Variants in SCHIP1 observed in about 807,000 individuals in gnomAD.
SCHIP1 encodes the protein schwannomin-interacting protein 1.
A neutral mutation model predicts 29.7 loss-of-function variants in SCHIP1; 8 were observed. That is an observed-to-expected ratio of 0.27 (90% confidence interval 0.16 to 0.49). SCHIP1 has a LOEUF of 0.49. Ranked by LOEUF, SCHIP1 falls within the 20% of genes least tolerant of loss-of-function variation. The probability of loss-of-function intolerance (pLI) is 0.99; values close to 1 mark genes in which losing one functional copy is unlikely to be tolerated. For missense variants in SCHIP1, 193 were observed against 294.6 expected, an observed-to-expected ratio of 0.66 and a Z score of 2.52; for synonymous variants, 76 against 94.9, an observed-to-expected ratio of 0.80 and a Z score of 1.16.
the SCHIP1 span, among the ~76,000 whole-genome samples, chr3:159,666,338 CT>C: frequency 6.6e-6 from 1 of 152,214 alleles, no homozygotes; most frequent in Admixed American, 6.5e-5. Context: ...TGTACATTCA[CT>C]TTTTCCAAGA....
At chr3:159,759,598 A>T in the SCHIP1 span, among the ~76,000 whole-genome samples, 1 of 152,196 alleles carries the variant, frequency 6.6e-6, no homozygotes, top group Non-Finnish European at 1.5e-5. Flanking sequence ...AGTTGGTTAG[A>T]GATAGGGCCA....
chr3:159,316,379 C>T, the SCHIP1 span, among the ~76,000 whole-genome samples: 1 of 152,168 alleles, frequency 6.6e-6, no homozygotes, highest in Admixed American at 6.5e-5. Flanking sequence ...GGAGGCTAGG[C>T]CCATCTCTCT....
chr3:159,403,137 G>T, the SCHIP1 span, among the ~76,000 whole-genome samples: 1 of 152,008 alleles, frequency 6.6e-6, no homozygotes, highest in Non-Finnish European at 1.5e-5. Flanking sequence ...TTCCTTTAAT[G>T]GGCAAATAAA....
the SCHIP1 span, among the ~76,000 whole-genome samples, chr3:159,414,978 T>C: frequency 6.6e-6 from 1 of 152,196 alleles, no homozygotes; most frequent in East Asian, 1.9e-4. Flanking sequence ...CACCAATCAG[T>C]ACTGTTCTGC....
the SCHIP1 span, among the ~76,000 whole-genome samples, chr3:159,730,866 G>A: frequency 2.0e-5 from 3 of 152,052 alleles, no homozygotes; most frequent in Non-Finnish European, 4.4e-5. Context: ...AAACTATCTA[G>A]ACATCATACA....
chr3:159,801,821 A>C, the SCHIP1 span, among the ~76,000 whole-genome samples: 2 of 152,152 alleles, frequency 1.3e-5, no homozygotes, highest in Admixed American at 1.3e-4. Context: ...AAACATCTGC[A>C]CGAGGTAGGA....
At chr3:159,344,739 A>ATTCT in the SCHIP1 span, among the ~76,000 whole-genome samples, 1 of 152,232 alleles carries the variant, frequency 6.6e-6, no homozygotes, top group Non-Finnish European at 1.5e-5. Context: ...CTGGAATAGA[A>ATTCT]AAAGTTCATT....
chr3:159,765,243 C>A, the SCHIP1 span: 2 of 1,320,142 alleles, frequency 1.5e-6, no homozygotes, highest in African/African-American at 1.5e-5. Flanking sequence ...CGGCCCCATT[C>A]ATTCTTCCTC....
the SCHIP1 span, among the ~76,000 whole-genome samples, chr3:159,654,364 C>T: frequency 2.4e-4 from 36 of 152,262 alleles, no homozygotes; most frequent in African/African-American, 8.7e-4. Flanking sequence ...CCGTTTGACT[C>T]TGCAGACCCA....
the SCHIP1 span, among the ~76,000 whole-genome samples, chr3:159,321,722 T>C: frequency 2.0e-5 from 3 of 152,108 alleles, no homozygotes; most frequent in South Asian, 6.2e-4. Flanking sequence ...TGGCTTTTAG[T>C]TTTCTTTTTA....
At chr3:159,614,117 T>G in the SCHIP1 span, among the ~76,000 whole-genome samples, 1 of 152,194 alleles carries the variant, frequency 6.6e-6, no homozygotes. Flanking sequence ...ACCTAGGAAA[T>G]GTCAGATCTA....
the SCHIP1 span, among the ~76,000 whole-genome samples, chr3:159,489,075 A>T: frequency 2.0e-5 from 3 of 152,258 alleles, no homozygotes; most frequent in Non-Finnish European, 4.4e-5. Flanking sequence ...AATGCAAGCC[A>T]TAGCACTGAT....
At chr3:159,720,790 G>A in the SCHIP1 span, among the ~76,000 whole-genome samples, 1 of 152,030 alleles carries the variant, frequency 6.6e-6, no homozygotes, top group Non-Finnish European at 1.5e-5. Context: ...TTGCCATGTG[G>A]GCCAGACTGG....
At chr3:159,615,537 C>T in the SCHIP1 span, among the ~76,000 whole-genome samples, 608 of 152,272 alleles carry the variant, frequency 4.0e-3, 8 homozygotes, top group African/African-American at 0.014. Flanking sequence ...TAGAAAAAGG[C>T]ACCTCCCTCC....
the SCHIP1 span, among the ~76,000 whole-genome samples, chr3:159,323,999 A>G: frequency 6.6e-6 from 1 of 152,118 alleles, no homozygotes; most frequent in African/African-American, 2.4e-5. Context: ...GGTGATTGCT[A>G]CAGAGTTAGT....
At chr3:159,892,213 C>T (rs1302218508) in intron 6 of SCHIP1, 23 bp downstream of exon 7, 1 of 1,613,654 alleles carries the variant, frequency 6.2e-7, no homozygotes, top group South Asian at 1.1e-5. Context: ...TCACTCTTGC[C>T]AAAGAAGAAA....
chr3:159,550,782 C>A, the SCHIP1 span, among the ~76,000 whole-genome samples: 1 of 151,980 alleles, frequency 6.6e-6, no homozygotes, highest in Admixed American at 6.6e-5. Flanking sequence ...TAGAGGCAGA[C>A]TTAACTATTG....
At chr3:159,359,015 C>A in the SCHIP1 span, among the ~76,000 whole-genome samples, 1 of 150,200 alleles carries the variant, frequency 6.7e-6, no homozygotes, top group African/African-American at 2.5e-5. Flanking sequence ...GCAACCTCCG[C>A]CTCCCTGGTT....
the SCHIP1 span, among the ~76,000 whole-genome samples, chr3:159,641,518 A>G: frequency 6.6e-6 from 1 of 152,196 alleles, no homozygotes; most frequent in East Asian, 1.9e-4. Flanking sequence ...GGATACGAAC[A>G]GGGCTTTTTA....
Sources: allele counts gnomAD v4.1 joint callset (sites outside exome capture counted in the v4.1 genomes callset), GRCh38; gene constraint gnomAD v4.1.1; transcripts MANE v1.5; gene names NCBI Gene and HGNC (gene_info 2026-07-23, HGNC 2026-07-21).